The following HUNK variants were observed in gnomAD, a reference collection of about 807,000 sequenced individuals.
HUNK encodes hormonally up-regulated Neu-associated kinase, also known as hormonally up-regulated neu tumor-associated kinase.
Under a neutral mutation model 61.0 loss-of-function variants are expected in HUNK, and 21 were observed. The observed-to-expected ratio is 0.34, with a 90% CI of 0.24 to 0.50. The LOEUF (loss-of-function observed/expected upper bound fraction) is 0.50, where lower values mean the gene tolerates loss of function less well. Among genes scored for constraint, HUNK ranks in the 20% least tolerant of loss-of-function variants. HUNK has a pLI of 0.98. For missense variants in HUNK, 772 were observed against 945.7 expected (o/e 0.82, Z 2.41); for synonymous variants, 371 against 386.1 (o/e 0.96, Z 0.46).
intron 1 of HUNK, among the ~76,000 whole-genome samples, chr21:31,915,698 G>A (rs980449800): frequency 6.6e-6 from 1 of 152,070 alleles, no homozygotes; most frequent in African/African-American, 2.4e-5. Flanking sequence ...CAGGAGGAAG[G>A]GATGAATTTA....
intron 1 of HUNK, among the ~76,000 whole-genome samples, chr21:31,886,776 G>A (rs1484779218): frequency 6.6e-6 from 1 of 151,890 alleles, no homozygotes; most frequent in East Asian, 1.9e-4. Context: ...CTCTCGAGTA[G>A]CTGAGATTAC....
chr21:31,879,505 G>A (rs1367881637), intron 1 of HUNK, among the ~76,000 whole-genome samples: 1 of 152,200 alleles, frequency 6.6e-6, no homozygotes, highest in Non-Finnish European at 1.5e-5. Flanking sequence ...AGGTCCCACG[G>A]ACTTCAAAGG....
At position 32,000,008 on chromosome 21, in the gene HUNK, T is replaced by C. The variant is rs1175546729; in HGVS notation, c.*824T>C. The C allele has an allele frequency of 5.0e-6, 2 of 397,172 alleles. No individual in the cohort carries two copies. Among genetic ancestry groups the C allele is most frequent in the Non-Finnish European group, 8.9e-6 (2 of 225,758 alleles). 24.6% of individuals were successfully genotyped at this position (397,172 alleles called of 1,614,324 possible). On this transcript the variant is annotated 3_prime_UTR_variant, in exon 11 of 11. Coordinates refer to ENST00000270112, the MANE Select transcript of HUNK (RefSeq NM_014586.2). ...CAGTGTGGAGAGCAAAAAAGCTGAC[T>C]GTGGTGATTTGCTGAGTGCTGTGGC...
chr21:31,954,937 C>T (rs1277966152), intron 4 of HUNK, among the ~76,000 whole-genome samples: 1 of 152,098 alleles, frequency 6.6e-6, no homozygotes, highest in Non-Finnish European at 1.5e-5. Flanking sequence ...CGCATGCCAC[C>T]ATGCCTGGCT....
rs765737663 is a variant in HUNK, at chr21:31,946,069, G to T, written c.644G>T (p.Gly215Val). ...TTGAGCAACTGCGCAGGGATCCTGG[G>T]TTACTCGGATCCGTTCAGCACACAG... ...FGLSNCAGILGYSDPFSTQCG... is the reference protein window; with the variant it reads ...FGLSNCAGILVYSDPFSTQCG... The change falls in exon 4 of 11, where the codon GGT becomes GTT. Residue 215 changes from glycine (G) to valine (V), a missense_variant. Physicochemically the swap from Gly to Val is moderately radical, Grantham distance 109. Coordinates refer to ENST00000270112, the MANE Select transcript of HUNK (RefSeq NM_014586.2). 6.2e-7 allele frequency: 1 copy of T among 1,611,532 alleles called. No homozygotes were observed.
intron 6 of HUNK, 45 bp from the exon 7 acceptor site, chr21:31,974,510 C>T (rs377240004): frequency 5.5e-5 from 86 of 1,562,168 alleles, no homozygotes; most frequent in Non-Finnish European, 7.2e-5. Flanking sequence ...TGGGGCTCTC[C>T]GTGAAGTGCA....
chr21:31,925,495 G>A (rs866551993), intron 2 of HUNK, among the ~76,000 whole-genome samples: 6 of 152,324 alleles, frequency 3.9e-5, no homozygotes, highest in Middle Eastern at 3.4e-3. Context: ...CATGAGATTC[G>A]TGCTAGGGAT....
chr21:31,999,090 A>C lies in HUNK; in HGVS notation c.2051A>C (p.Asp684Ala). The change falls in exon 11 of 11, where the codon GAT becomes GCT. Residue 684 changes from aspartate to alanine, a missense_variant. Asp to Ala is a moderately radical substitution (Grantham distance 126, BLOSUM62 -2). Coordinates refer to ENST00000270112, the MANE Select transcript of HUNK (RefSeq NM_014586.2). Reference protein sequence around the residue: ...KRHQSLQPSADRPLEASLPPL... With the variant: ...KRHQSLQPSAARPLEASLPPL... ...CATCAGAGTCTGCAGCCATCTGCAG[A>C]TAGGCCCCTGGAGGCCAGCCTGCCC... is the stretch of plus-strand genomic sequence containing the variant. 3 of 1,614,208 alleles carry C rather than the reference A, an allele frequency of 1.9e-6. No individual in the cohort carries two copies. Among genetic ancestry groups the C allele is most frequent in the Non-Finnish European group, 2.5e-6 (3 of 1,180,022 alleles).
At chr21:31,911,156 C>T (rs995813853) in intron 1 of HUNK, among the ~76,000 whole-genome samples, 1 of 152,208 alleles carries the variant, frequency 6.6e-6, no homozygotes, top group Non-Finnish European at 1.5e-5. Context: ...TCAAGAAATA[C>T]TCATTGAGCG....
intron 1 of HUNK, among the ~76,000 whole-genome samples, chr21:31,900,870 A>T (rs2052462115): frequency 6.6e-6 from 1 of 152,096 alleles, no homozygotes; most frequent in African/African-American, 2.4e-5. Context: ...GTGTCCACAG[A>T]CCTTAGAACA....
intron 1 of HUNK, among the ~76,000 whole-genome samples, chr21:31,904,337 A>G (rs2052490157): frequency 1.3e-5 from 2 of 152,158 alleles, no homozygotes. Flanking sequence ...GATGTTTCCT[A>G]AACTTTATGC....
intron 10 of HUNK, among the ~76,000 whole-genome samples, chr21:31,997,985 A>G (rs2053217645): frequency 6.6e-6 from 1 of 151,910 alleles, no homozygotes; most frequent in Non-Finnish European, 1.5e-5. Context: ...TAGTGCCATC[A>G]CGGCTCACTG....
At chr21:31,911,616 A>C (rs1205066548) in intron 1 of HUNK, among the ~76,000 whole-genome samples, 1 of 152,058 alleles carries the variant, frequency 6.6e-6, no homozygotes, top group East Asian at 1.9e-4. Context: ...ACTTTTGGGT[A>C]GCCTTCCTGT....
intron 1 of HUNK, among the ~76,000 whole-genome samples, chr21:31,883,032 T>TG (rs924591418): frequency 1.3e-5 from 2 of 152,022 alleles, no homozygotes; most frequent in African/African-American, 4.8e-5. Context: ...TTTTTTTTTT[T>TG]GTTATTCTCA....
intron 5 of HUNK, among the ~76,000 whole-genome samples, chr21:31,964,622 A>G (rs1399874888): frequency 6.6e-6 from 1 of 152,054 alleles, no homozygotes; most frequent in African/African-American, 2.4e-5. Flanking sequence ...GGTGAGGAAT[A>G]TTTTAATCTC....
At chr21:31,927,328 C>T (rs2052667740) in intron 2 of HUNK, among the ~76,000 whole-genome samples, 1 of 151,160 alleles carries the variant, frequency 6.6e-6, no homozygotes, top group African/African-American at 2.4e-5. Flanking sequence ...CAGGTGTGAG[C>T]CGCCGTGCCC....
intron 1 of HUNK, among the ~76,000 whole-genome samples, chr21:31,909,133 C>T (rs1228691799): frequency 6.6e-6 from 1 of 152,186 alleles, no homozygotes; most frequent in African/African-American, 2.4e-5. Context: ...ATAATAAATG[C>T]ATCTTGGACA....
chr21:31,934,280 A>G (rs2052717764), intron 2 of HUNK, among the ~76,000 whole-genome samples: 1 of 151,766 alleles, frequency 6.6e-6, no homozygotes, highest in Non-Finnish European at 1.5e-5. Context: ...TGTCTCTACT[A>G]AAAATACAAA....
chr21:31,926,972 TCTTTCTTTCTTC>T (rs2052664764), intron 2 of HUNK, among the ~76,000 whole-genome samples: 1 of 151,000 alleles, frequency 6.6e-6, no homozygotes, highest in African/African-American at 2.4e-5. Flanking sequence ...CTTTCCTTTT[TCTTTCTTTCTTC>T]CTTTCTTTCT....
Sources: gnomAD v4.1 joint callset for allele counts (sites outside exome capture counted in the v4.1 genomes callset) on GRCh38, gnomAD v4.1.1 for gene constraint, MANE v1.5 for transcripts, NCBI Gene and HGNC (gene_info 2026-07-23, HGNC 2026-07-21) for gene names.